The following C1QTNF3 variants were observed in gnomAD, a reference collection of about 807,000 sequenced individuals.
C1QTNF3 encodes the protein complement C1q tumor necrosis factor-related protein 3.
In C1QTNF3, 26 loss-of-function variants were observed where a neutral mutation model predicts 32.6. The ratio of observed to expected loss-of-function variants is 0.80; its 90% CI spans 0.58 to 1.11. The LOEUF (loss-of-function observed/expected upper bound fraction) is 1.11. Ranked by LOEUF, C1QTNF3 falls within the 50% of genes least tolerant of loss-of-function variation. The pLI, the probability that C1QTNF3 is intolerant of heterozygous loss-of-function variation, is 0.00. For synonymous variants in C1QTNF3, 155 were observed against 146.0 expected (o/e 1.06, Z -0.44); for missense variants, 362 against 398.2 (o/e 0.91, Z 0.77).
At chr5:34,200,869 A>C in the C1QTNF3 span, 2 of 152,040 alleles carry the variant, frequency 1.3e-5, no homozygotes, top group Non-Finnish European at 2.9e-5. Flanking sequence ...AATCCATTGA[A>C]TAGTTCTCAT....
At chr5:34,116,536 A>C in the C1QTNF3 span, among the ~76,000 whole-genome samples, 1 of 114,720 alleles carries the variant, frequency 8.7e-6, no homozygotes, top group Non-Finnish European at 1.8e-5. Flanking sequence ...ATATTCCCAA[A>C]TCTATTGACT....
the C1QTNF3 span, among the ~76,000 whole-genome samples, chr5:34,189,204 CT>C: frequency 1.7e-5 from 2 of 116,492 alleles, no homozygotes; most frequent in African/African-American, 5.9e-5. Flanking sequence ...CACCCGGCCT[CT>C]TTTTTTTCTT....
At chr5:34,123,785 G>T in the C1QTNF3 span, among the ~76,000 whole-genome samples, 1 of 151,964 alleles carries the variant, frequency 6.6e-6, no homozygotes, top group African/African-American at 2.4e-5. Context: ...TTCTATCCAC[G>T]ATTTTATTTC....
chr5:34,169,020 T>C, the C1QTNF3 span: 1 of 152,174 alleles, frequency 6.6e-6, no homozygotes, highest in African/African-American at 2.4e-5. Flanking sequence ...TTGGTCCCTA[T>C]TCCCACCTTC....
the C1QTNF3 span, among the ~76,000 whole-genome samples, chr5:34,059,162 G>A: frequency 6.6e-6 from 1 of 152,150 alleles, no homozygotes; most frequent in African/African-American, 2.4e-5. Context: ...CACAGTTTTG[G>A]GGGCTGGGAG....
At chr5:34,240,487 G>A in the C1QTNF3 span, among the ~76,000 whole-genome samples, 3 of 150,766 alleles carry the variant, frequency 2.0e-5, no homozygotes, top group Non-Finnish European at 4.4e-5. Context: ...AGAATACTAG[G>A]AATAACTCTA....
chr5:34,213,777 GTATATATACATATA>G, the C1QTNF3 span, among the ~76,000 whole-genome samples: 2 of 26,514 alleles, frequency 7.5e-5, no homozygotes, highest in African/African-American at 2.1e-4. Context: ...ACACATACGT[GTATATATACATATA>G]TATATATATA....
the C1QTNF3 span, chr5:34,244,573 C>T: frequency 6.6e-6 from 1 of 152,114 alleles, no homozygotes; most frequent in Non-Finnish European, 1.5e-5. Context: ...AAGTCCCCAC[C>T]AGATTAGCTA....
the C1QTNF3 span, among the ~76,000 whole-genome samples, chr5:34,164,148 G>C: frequency 1.3e-5 from 2 of 152,078 alleles, no homozygotes; most frequent in African/African-American, 4.8e-5. Context: ...CTAAGCAAAT[G>C]CCCTTAGTGA....
the C1QTNF3 span, among the ~76,000 whole-genome samples, chr5:34,079,154 C>T: frequency 2.0e-5 from 3 of 151,330 alleles, no homozygotes; most frequent in Admixed American, 2.0e-4. Context: ...AGCCACCAAG[C>T]TTGACTTTTG....
intron 2 of C1QTNF3, 148 bp from the exon 3 acceptor site, chr5:34,033,606 G>C (rs1045351427): frequency 4.2e-6 from 4 of 956,824 alleles, no homozygotes; most frequent in Non-Finnish European, 6.3e-6. Flanking sequence ...TCTAAATAGG[G>C]CAATAGGCTC....
At chr5:34,074,177 A>T in the C1QTNF3 span, among the ~76,000 whole-genome samples, 1 of 152,044 alleles carries the variant, frequency 6.6e-6, no homozygotes, top group Non-Finnish European at 1.5e-5. Context: ...GAGGTGCAGA[A>T]ATCAATAAAT....
At chr5:34,148,222 C>G in the C1QTNF3 span, among the ~76,000 whole-genome samples, 1 of 146,900 alleles carries the variant, frequency 6.8e-6, no homozygotes, top group Admixed American at 6.8e-5. Flanking sequence ...CGGAATCTCG[C>G]TGATTGCTAG....
At chr5:34,046,657 T>C (rs1408065287), upstream of C1QTNF3, among the ~76,000 whole-genome samples, 1 of 152,204 alleles carries the variant, frequency 6.6e-6, no homozygotes, top group Non-Finnish European at 1.5e-5. Context: ...TGTGACACAA[T>C]AAATTTCACT....
chr5:34,073,970 TTTTGA>T, the C1QTNF3 span, among the ~76,000 whole-genome samples: 22 of 152,344 alleles, frequency 1.4e-4, no homozygotes, highest in African/African-American at 5.3e-4. Context: ...TCAATCATTT[TTTTGA>T]TTTATTAGTT....
At chr5:34,120,240 AAT>A in the C1QTNF3 span, among the ~76,000 whole-genome samples, 2 of 152,186 alleles carry the variant, frequency 1.3e-5, no homozygotes, top group Non-Finnish European at 2.9e-5. Flanking sequence ...CAGGAACTCA[AAT>A]ATTTCTACTC....
chr5:34,223,829 G>C, the C1QTNF3 span, among the ~76,000 whole-genome samples: 2 of 152,150 alleles, frequency 1.3e-5, no homozygotes, highest in Admixed American at 1.3e-4. Context: ...GGAAAGAAAG[G>C]GTATTCAATT....
At chr5:34,242,811 C>CT in the C1QTNF3 span, among the ~76,000 whole-genome samples, 1 of 151,874 alleles carries the variant, frequency 6.6e-6, no homozygotes, top group South Asian at 2.1e-4. Context: ...AAATGACAAG[C>CT]ATAAAACAAC....
At chr5:34,133,379 A>AT in the C1QTNF3 span, among the ~76,000 whole-genome samples, 2 of 151,900 alleles carry the variant, frequency 1.3e-5, no homozygotes, top group African/African-American at 2.4e-5. Flanking sequence ...CCTTTTTCCT[A>AT]TTTTTTCTTG....
Sources: gnomAD v4.1 joint callset for allele counts (sites outside exome capture counted in the v4.1 genomes callset) on GRCh38, gnomAD v4.1.1 for gene constraint, MANE v1.5 for transcripts, NCBI Gene and HGNC (gene_info 2026-07-23, HGNC 2026-07-21) for gene names.